The following NREP variants were observed in gnomAD, a reference collection of about 807,000 sequenced individuals.
NREP encodes neuronal regeneration-related protein.
Under a neutral mutation model 8.6 loss-of-function variants are expected in NREP, and 5 were observed. The ratio of observed to expected loss-of-function variants is 0.58; its 90% CI spans 0.30 to 1.22. The LOEUF is 1.22. NREP is among the 50% of genes most tolerant of loss of function. The pLI is 0.07. For missense variants in NREP, 86 were observed against 82.5 expected (o/e 1.04, Z -0.17); for synonymous variants, 27 against 28.0 (o/e 0.96, Z 0.11).
At chr5:111,812,938 T>G (rs1332924987) in intron 2 of NREP, among the ~76,000 whole-genome samples, 1 of 152,192 alleles carries the variant, frequency 6.6e-6, no homozygotes, top group African/African-American at 2.4e-5. Flanking sequence ...ATTAAGTAGC[T>G]AGGCCATAGT....
At chr5:111,840,833 T>C (rs1753012372) in intron 2 of NREP, among the ~76,000 whole-genome samples, 1 of 152,014 alleles carries the variant, frequency 6.6e-6, no homozygotes, top group Non-Finnish European at 1.5e-5. Flanking sequence ...ACAAAATAGG[T>C]CTAGAGGCAA....
At chr5:111,955,413 T>C (rs1246350190) in intron 2 of NREP, among the ~76,000 whole-genome samples, 1 of 149,368 alleles carries the variant, frequency 6.7e-6, no homozygotes, top group Non-Finnish European at 1.5e-5. Flanking sequence ...CTTGTATCTA[T>C]AGGTGTTAGA....
At chr5:111,957,964 T>G (rs974184268) in intron 2 of NREP, among the ~76,000 whole-genome samples, 1 of 151,748 alleles carries the variant, frequency 6.6e-6, no homozygotes, top group Non-Finnish European at 1.5e-5. Context: ...CAATACCCAT[T>G]CATGATTAAA....
At chr5:111,800,379 C>T (rs552815357) in intron 2 of NREP, among the ~76,000 whole-genome samples, 16 of 152,358 alleles carry the variant, frequency 1.1e-4, no homozygotes, top group African/African-American at 3.6e-4. Context: ...GAATCACTGA[C>T]AGGGCCAGCT....
intron 1 of NREP, chr5:111,975,518 A>T: frequency 1.6e-6 from 1 of 630,260 alleles, no homozygotes. Flanking sequence ...TGGCCAGGGT[A>T]TAGGATCAGT....
At chr5:111,875,820 T>C (rs188681959) in intron 2 of NREP, among the ~76,000 whole-genome samples, 248 of 152,088 alleles carry the variant, frequency 1.6e-3, no homozygotes, top group African/African-American at 5.9e-3. Flanking sequence ...AGATCAAGGA[T>C]GTGGATACAC....
exon 1 of NREP, chr5:111,976,916 TG>T (rs1756982532): frequency 1.8e-6 from 1 of 558,344 alleles, no homozygotes; most frequent in South Asian, 2.2e-5. Context: ...TTCTAGATGC[TG>T]GCAACAGTCA....
At chr5:111,851,514 T>C (rs578176170) in intron 2 of NREP, among the ~76,000 whole-genome samples, 1 of 152,154 alleles carries the variant, frequency 6.6e-6, no homozygotes, top group Non-Finnish European at 1.5e-5. Flanking sequence ...ACTGACCACC[T>C]TTTCTTTATC....
intron 2 of NREP, among the ~76,000 whole-genome samples, chr5:111,783,465 A>T (rs774036432): frequency 1.3e-5 from 2 of 152,232 alleles, no homozygotes; most frequent in Non-Finnish European, 2.9e-5. Context: ...ACTGCAACGA[A>T]ATGAAAGTTA....
chr5:111,825,824 G>A (rs181426016), intron 2 of NREP, among the ~76,000 whole-genome samples: 1 of 152,204 alleles, frequency 6.6e-6, no homozygotes, highest in East Asian at 1.9e-4. Flanking sequence ...TTCTCTATCC[G>A]AGGCCATAGC....
chr5:111,874,308 G>A (rs1561703771), intron 2 of NREP, among the ~76,000 whole-genome samples: 2 of 152,024 alleles, frequency 1.3e-5, no homozygotes, highest in African/African-American at 4.8e-5. Flanking sequence ...AACTCAATCT[G>A]GAAAAAACTA....
chr5:111,753,871 A>C (rs369315216), intron 2 of NREP, among the ~76,000 whole-genome samples: 1 of 151,636 alleles, frequency 6.6e-6, no homozygotes, highest in East Asian at 1.9e-4. Context: ...ATACAAAGAC[A>C]CCTCTAATAT....
chr5:111,737,845 TACACTG>T (rs1749280900), intron 2 of NREP, among the ~76,000 whole-genome samples: 1 of 152,040 alleles, frequency 6.6e-6, no homozygotes, highest in South Asian at 2.1e-4. Context: ...TCATATTTGT[TACACTG>T]ACCAAGGCTT....
At chr5:111,742,320 C>CCAT (rs1457358766) in intron 2 of NREP, among the ~76,000 whole-genome samples, 15 of 152,098 alleles carry the variant, frequency 9.9e-5, no homozygotes, top group Non-Finnish European at 4.4e-5. Context: ...CATCGTGAAG[C>CCAT]CATCTTGAGA....
At chr5:111,880,225 T>C (rs375031032) in intron 2 of NREP, among the ~76,000 whole-genome samples, 18 of 152,340 alleles carry the variant, frequency 1.2e-4, no homozygotes, top group South Asian at 4.1e-4. Context: ...CATTGGGTTA[T>C]GAGAATTAAA....
chr5:111,757,698 A>T (rs1238604268), upstream of NREP: 18 of 984,094 alleles, frequency 1.8e-5, no homozygotes, highest in Non-Finnish European at 2.2e-5. Flanking sequence ...CCGGGGAGAC[A>T]AAGCGGACCC....
chr5:111,831,271 T>C (rs73789517), intron 2 of NREP, among the ~76,000 whole-genome samples: 2,067 of 152,270 alleles, frequency 0.014, 44 homozygotes, highest in African/African-American at 0.04. Flanking sequence ...ACCCTTCTCT[T>C]GGTGGCTATC....
At chr5:111,845,505 C>CA (rs1433446653) in intron 2 of NREP, among the ~76,000 whole-genome samples, 2 of 152,118 alleles carry the variant, frequency 1.3e-5, no homozygotes, top group Non-Finnish European at 2.9e-5. Flanking sequence ...AATTCACACA[C>CA]AGACATTTCA....
At chr5:111,789,765 T>C (rs1191781592) in intron 2 of NREP, among the ~76,000 whole-genome samples, 1 of 152,184 alleles carries the variant, frequency 6.6e-6, no homozygotes, top group Non-Finnish European at 1.5e-5. Context: ...CATTAATCTT[T>C]TGGCAAGAAA....
Sources: gnomAD v4.1 joint callset for allele counts (sites outside exome capture counted in the v4.1 genomes callset) on GRCh38, gnomAD v4.1.1 for gene constraint, MANE v1.5 for transcripts, NCBI Gene and HGNC (gene_info 2026-07-23, HGNC 2026-07-21) for gene names.